TMEM132B: variants seen among roughly 807,000 people sequenced by gnomAD.
The protein encoded by TMEM132B is transmembrane protein 132B.
TMEM132B carries 18 observed loss-of-function variants against 90.8 expected under a neutral mutation model. The ratio of observed to expected loss-of-function variants is 0.20; its 90% CI spans 0.14 to 0.29. The LOEUF is 0.29. TMEM132B is among the 10% of genes least tolerant of loss of function. The pLI, the probability that TMEM132B is intolerant of heterozygous loss-of-function variation, is 1.00. For synonymous variants in TMEM132B, 504 were observed against 523.3 expected (o/e 0.96, Z 0.50); for missense variants, 1,096 against 1,326.8 (o/e 0.83, Z 2.70).
Position 125,519,460 on chromosome 12 carries a change from G to T in TMEM132B, c.1128G>T (p.Glu376Asp). 6.2e-7 allele frequency: 1 copy of T among 1,612,964 alleles called. No homozygotes were observed. ...CCAGGGTAAATGGATCCTTCTATGA[G>T]ATCTTGCAAGTGGACTTTGGAATTG... ...TQSRVNGSFY[E>D]ILQVDFGIDN... The change falls in exon 4 of 9, where the codon GAG (glutamate) becomes GAT (aspartate). Residue 376 changes from glutamate (E) to aspartate (D), a missense_variant. Coordinates refer to ENST00000682704, the MANE Select transcript of TMEM132B (RefSeq NM_001366854.1).
intron 1 of TMEM132B, among the ~76,000 whole-genome samples, chr12:125,229,721 T>A (rs1873772140): frequency 6.6e-6 from 1 of 152,246 alleles, no homozygotes; most frequent in East Asian, 1.9e-4. Context: ...GAATGTCCTC[T>A]GTGACTCCTG....
At chr12:125,604,631 T>C (rs1465464858) in intron 5 of TMEM132B, among the ~76,000 whole-genome samples, 3 of 152,158 alleles carry the variant, frequency 2.0e-5, no homozygotes, top group African/African-American at 4.8e-5. Flanking sequence ...ATAAATAAAT[T>C]GATGAGCAAA....
chr12:125,562,815 C>T (rs541278479), intron 4 of TMEM132B, among the ~76,000 whole-genome samples: 1 of 152,266 alleles, frequency 6.6e-6, no homozygotes, highest in Admixed American at 6.5e-5. Flanking sequence ...ACATGCCTTT[C>T]ACCTTATGCC....
intron 4 of TMEM132B, among the ~76,000 whole-genome samples, chr12:125,574,350 TTG>T (rs1884883510): frequency 6.6e-6 from 1 of 152,128 alleles, no homozygotes; most frequent in South Asian, 2.1e-4. Context: ...TGGTACCAGA[TTG>T]TGATGTTCTC....
At chr12:125,524,494 T>C (rs1162087522) in intron 4 of TMEM132B, among the ~76,000 whole-genome samples, 1 of 152,220 alleles carries the variant, frequency 6.6e-6, no homozygotes, top group African/African-American at 2.4e-5. Flanking sequence ...CTTCATGATA[T>C]TGGGCAAGTC....
Position 125,492,751 on chromosome 12 carries a change from TCCACTCAG to T in TMEM132B, c.1107-26675_1107-26668del, listed in dbSNP as rs1486525447. 2.0e-5 allele frequency among the ~76,000 whole-genome samples: 3 copies of T among 152,100 alleles called. No individual in the cohort carries two copies. Among genetic ancestry groups the T allele is most frequent in the Admixed American group, 1.3e-4 (2 of 15,276 alleles). ...GTCCTGTGAAGAAACCTGCATGTTG[TCCACTCAG>T]CCACTCAGCCACGCCCGCAGATCTC... On this transcript the variant is annotated intron_variant, in intron 3 of 8. Coordinates refer to ENST00000682704, the MANE Select transcript of TMEM132B (RefSeq NM_001366854.1). This position sits in a 1 kb window ranked among gnomAD's most constrained non-coding sequence, Gnocchi z 5.8.
At chr12:125,648,451 T>A (rs1411948620) in intron 6 of TMEM132B, among the ~76,000 whole-genome samples, 1 of 152,172 alleles carries the variant, frequency 6.6e-6, no homozygotes, top group Non-Finnish European at 1.5e-5. Flanking sequence ...CCATTGCCAA[T>A]TTCCTGGTTT....
intron 4 of TMEM132B, among the ~76,000 whole-genome samples, chr12:125,554,891 C>T (rs187754585): frequency 7.6e-4 from 115 of 152,222 alleles, no homozygotes; most frequent in African/African-American, 2.6e-3. Flanking sequence ...TCTTTGTTGG[C>T]GAGTTTCATC....
chr12:125,466,013 A>G (rs1284266419), intron 3 of TMEM132B, among the ~76,000 whole-genome samples: 3 of 151,926 alleles, frequency 2.0e-5, no homozygotes, highest in Non-Finnish European at 2.9e-5. Flanking sequence ...CAATAAATCT[A>G]TTTTCTTTAT....
chr12:125,578,550 A>T (rs556079019), intron 4 of TMEM132B, among the ~76,000 whole-genome samples: 2 of 152,154 alleles, frequency 1.3e-5, no homozygotes, highest in Admixed American at 6.5e-5. Context: ...CTATACCTTC[A>T]TGTGTAATTA....
At chr12:125,627,039 A>G (rs1886249844) in intron 5 of TMEM132B, among the ~76,000 whole-genome samples, 1 of 152,140 alleles carries the variant, frequency 6.6e-6, no homozygotes, top group Non-Finnish European at 1.5e-5. Context: ...GATTACCTTC[A>G]AATTCACTGC....
chr12:125,191,849 A>C (rs1465525892), intron 1 of TMEM132B, among the ~76,000 whole-genome samples: 1 of 152,166 alleles, frequency 6.6e-6, no homozygotes, highest in African/African-American at 2.4e-5. Context: ...TGTGAGACTC[A>C]GTTTTCCCAT....
At chr12:125,590,741 C>A (rs1885296654) in intron 5 of TMEM132B, among the ~76,000 whole-genome samples, 1 of 152,186 alleles carries the variant, frequency 6.6e-6, no homozygotes, top group South Asian at 2.1e-4. Context: ...ATTTATTGAG[C>A]ATTTATTAAG....
chr12:125,384,160 T>C (rs1028564449), intron 2 of TMEM132B, among the ~76,000 whole-genome samples: 1 of 152,176 alleles, frequency 6.6e-6, no homozygotes, highest in Non-Finnish European at 1.5e-5. Context: ...TTGGTCAGGC[T>C]GGTCTCAAAC....
intron 5 of TMEM132B, among the ~76,000 whole-genome samples, chr12:125,595,592 G>A (rs1489296865): frequency 6.6e-6 from 1 of 152,090 alleles, no homozygotes; most frequent in Non-Finnish European, 1.5e-5. Context: ...GGCAAAAATC[G>A]CAATTACGTT....
intron 1 of TMEM132B, among the ~76,000 whole-genome samples, chr12:125,198,736 A>C (rs560573642): frequency 6.6e-6 from 1 of 152,220 alleles, no homozygotes; most frequent in African/African-American, 2.4e-5. Flanking sequence ...CTACTACTGC[A>C]GACCACCAAG....
chr12:125,343,288 G>A (rs1877250584), intron 1 of TMEM132B, among the ~76,000 whole-genome samples: 1 of 152,194 alleles, frequency 6.6e-6, no homozygotes, highest in Non-Finnish European at 1.5e-5. Context: ...TAGCAGCTGG[G>A]TTGAGATGCT....
At chr12:125,316,413 G>A (rs78340504) in intron 1 of TMEM132B, among the ~76,000 whole-genome samples, 6,188 of 152,212 alleles carry the variant, frequency 0.041, 213 homozygotes, top group Middle Eastern at 0.075. Flanking sequence ...CTCTATGTCA[G>A]GCATTCTAAC....
At chr12:125,438,600 C>G (rs1213721661) in intron 3 of TMEM132B, among the ~76,000 whole-genome samples, 1 of 152,172 alleles carries the variant, frequency 6.6e-6, no homozygotes, top group Non-Finnish European at 1.5e-5. Flanking sequence ...TTAATATTTC[C>G]CAAAATACGC....
Sources: allele counts gnomAD v4.1 joint callset (sites outside exome capture counted in the v4.1 genomes callset), GRCh38; gene constraint gnomAD v4.1.1; non-coding constraint Gnocchi (gnomAD v3.1); transcripts MANE v1.5; gene names NCBI Gene and HGNC (gene_info 2026-07-23, HGNC 2026-07-21).